PARD3: variants seen among roughly 807,000 people sequenced by gnomAD.
The protein encoded by PARD3 is partitioning defective 3 homolog.
Under a neutral mutation model 155.4 loss-of-function variants are expected in PARD3, and 75 were observed. That is an observed-to-expected ratio of 0.48 (90% confidence interval 0.40 to 0.58). The LOEUF is 0.58. Among genes scored for constraint, PARD3 ranks in the 20% least tolerant of loss-of-function variants. PARD3 has a pLI of 0.00. For synonymous variants in PARD3, 576 were observed against 610.5 expected (o/e 0.94, Z 0.83); for missense variants, 1,642 against 1,721.7 (o/e 0.95, Z 0.82).
intron 3 of PARD3, among the ~76,000 whole-genome samples, chr10:34,489,278 A>G (rs1341175414): frequency 3.9e-5 from 6 of 152,200 alleles, no homozygotes; most frequent in Admixed American, 3.9e-4. Context: ...TGGAAGGCCA[A>G]TAATCCCTCC....
intron 2 of PARD3, among the ~76,000 whole-genome samples, chr10:34,560,595 A>T (rs1404884835): frequency 6.6e-6 from 1 of 152,234 alleles, no homozygotes; most frequent in Non-Finnish European, 1.5e-5. Context: ...TAATATTAAC[A>T]ACAATTTCTA....
intron 22 of PARD3, among the ~76,000 whole-genome samples, chr10:34,189,754 G>A (rs560625732): frequency 6.6e-6 from 1 of 152,246 alleles, no homozygotes; most frequent in East Asian, 1.9e-4. Context: ...TCCCAAAAAA[G>A]GACAACTGAC....
chr10:34,448,804 C>CA (rs1023703163), intron 5 of PARD3, among the ~76,000 whole-genome samples: 17 of 150,532 alleles, frequency 1.1e-4, no homozygotes, highest in African/African-American at 3.2e-4. Flanking sequence ...GACCTTATCT[C>CA]AAAAAAATTA....
rs1554814034 is a variant in PARD3, at chr10:34,227,856, T to TATATATATATATATATATATATATATA, written c.3419+41800_3419+41801insTATATATATATATATATATATATATAT. On this transcript the variant is annotated intron_variant, in intron 22 of 24. Coordinates refer to ENST00000374788, the MANE Select transcript of PARD3 (RefSeq NM_001184785.2). ...TATTCCCAGTAATGGGAATTATTTT[T>TATATATATATATATATATATATATATA]TATATATATATATATATATATATAT... 1.0e-3 allele frequency among the ~76,000 whole-genome samples: 85 copies of TATATATATATATATATATATATATATA among 82,214 alleles called. 10 individuals carry two copies. Among genetic ancestry groups the TATATATATATATATATATATATATATA allele is most frequent in the African/African-American group, 3.6e-3 (60 of 16,866 alleles). 53.9% of individuals were successfully genotyped at this position (82,214 alleles called of 152,430 possible). A position where few individuals can be genotyped will look rare whatever the true frequency, so the allele number is the denominator to read the frequency against.
chr10:34,362,861 A>AT (rs1412634335), intron 12 of PARD3, among the ~76,000 whole-genome samples: 1 of 152,268 alleles, frequency 6.6e-6, no homozygotes, highest in African/African-American at 2.4e-5. Flanking sequence ...TGTTACAAGA[A>AT]TATAAAGTAC....
At chr10:34,131,413 T>C (rs757703995) in intron 23 of PARD3, 50 bp downstream of exon 23, 1 of 1,610,550 alleles carries the variant, frequency 6.2e-7, no homozygotes, top group Non-Finnish European at 8.5e-7. Flanking sequence ...TGGCCTTTGC[T>C]GCAGGGAAGT....
chr10:34,566,769 A>G (rs1033358360), intron 2 of PARD3, among the ~76,000 whole-genome samples: 1 of 152,172 alleles, frequency 6.6e-6, no homozygotes, highest in Non-Finnish European at 1.5e-5. Flanking sequence ...TTTTTTTACA[A>G]TTGGCACCAT....
chr10:34,804,463 G>A (rs999146762), intron 1 of PARD3, among the ~76,000 whole-genome samples: 7 of 152,210 alleles, frequency 4.6e-5, no homozygotes, highest in African/African-American at 1.7e-4. Context: ...TAGTACATCA[G>A]GAACCAATAT....
intron 1 of PARD3, among the ~76,000 whole-genome samples, chr10:34,762,244 G>C (rs1382984714): frequency 6.6e-6 from 1 of 150,660 alleles, no homozygotes; most frequent in Non-Finnish European, 1.5e-5. Flanking sequence ...GAAAGAGAGA[G>C]GCAGGGAGGG....
chr10:34,387,685 C>A (rs1376261069), intron 7 of PARD3, among the ~76,000 whole-genome samples: 1 of 152,158 alleles, frequency 6.6e-6, no homozygotes, highest in East Asian at 1.9e-4. Context: ...CAGGCTTGAG[C>A]CACTGTGCCA....
chr10:34,598,288 C>G (rs1253942237), intron 2 of PARD3, among the ~76,000 whole-genome samples: 1 of 105,362 alleles, frequency 9.5e-6, no homozygotes, highest in Non-Finnish European at 1.7e-5. Flanking sequence ...CACAAAGACA[C>G]AATTACCACA....
chr10:34,325,330 G>A (rs1368085390), intron 19 of PARD3, among the ~76,000 whole-genome samples: 2 of 151,978 alleles, frequency 1.3e-5, no homozygotes, highest in African/African-American at 4.8e-5. Context: ...GCTCTCACCT[G>A]CCCCATACAC....
intron 1 of PARD3, among the ~76,000 whole-genome samples, chr10:34,765,814 T>C (rs573371932): frequency 6.6e-6 from 1 of 152,350 alleles, no homozygotes; most frequent in African/African-American, 2.4e-5. Flanking sequence ...CTGCAGGGAT[T>C]GTGAGCCACG....
intron 18 of PARD3, among the ~76,000 whole-genome samples, chr10:34,334,253 G>A (rs1467460256): frequency 2.2e-5 from 3 of 136,268 alleles, no homozygotes; most frequent in Non-Finnish European, 3.0e-5. Flanking sequence ...TATGATACAA[G>A]ATTCCTAAAT....
chr10:34,694,352 T>G (rs2496740), intron 2 of PARD3, among the ~76,000 whole-genome samples: 2 of 151,712 alleles, frequency 1.3e-5, no homozygotes. Context: ...GTACTCTTCA[T>G]GTGGACTGCA....
At chr10:34,301,822 T>TTTC (rs1589109300) in intron 20 of PARD3, among the ~76,000 whole-genome samples, 2 of 122,570 alleles carry the variant, frequency 1.6e-5, no homozygotes, top group African/African-American at 5.8e-5. Context: ...TCCTTTCTTT[T>TTTC]TTTTTTTTTT....
intron 2 of PARD3, among the ~76,000 whole-genome samples, chr10:34,547,671 T>C (rs1361504045): frequency 1.3e-5 from 2 of 152,148 alleles, no homozygotes; most frequent in Non-Finnish European, 1.5e-5. Context: ...TTCCTTTTCT[T>C]CCCATGCCAT....
At chr10:34,302,395 G>T (rs1957197999) in intron 20 of PARD3, among the ~76,000 whole-genome samples, 1 of 152,170 alleles carries the variant, frequency 6.6e-6, no homozygotes, top group Non-Finnish European at 1.5e-5. Flanking sequence ...AAACAACCCT[G>T]TGAGGCAGGT....
intron 20 of PARD3, among the ~76,000 whole-genome samples, chr10:34,289,510 A>ATAC (rs999811133): frequency 6.6e-6 from 1 of 151,930 alleles, no homozygotes; most frequent in African/African-American, 2.4e-5. Context: ...AATAATAATA[A>ATAC]TAATAATAAG....
Sources: allele counts gnomAD v4.1 joint callset (sites outside exome capture counted in the v4.1 genomes callset), GRCh38; gene constraint gnomAD v4.1.1; transcripts MANE v1.5; gene names NCBI Gene and HGNC (gene_info 2026-07-23, HGNC 2026-07-21).